Variants in GDPD4 observed in about 807,000 individuals in gnomAD.
The protein encoded by GDPD4 is glycerophosphodiester phosphodiesterase domain containing 4.
Under a neutral mutation model 67.8 loss-of-function variants are expected in GDPD4, and 60 were observed. That is an observed-to-expected ratio of 0.88 (90% confidence interval 0.72 to 1.10). GDPD4 has a LOEUF of 1.10. GDPD4 is among the 50% of genes least tolerant of loss of function. The pLI is 0.00. For synonymous variants in GDPD4, 212 were observed against 210.9 expected, an observed-to-expected ratio of 1.00 and a Z score of -0.04; for missense variants, 623 against 613.9, an observed-to-expected ratio of 1.01 and a Z score of -0.16.
At chr11:77,268,380 C>T (rs1014326245) in intron 10 of GDPD4, 77 bp downstream of exon 10, 3 of 979,060 alleles carry the variant, frequency 3.1e-6, no homozygotes, top group African/African-American at 3.2e-5. Flanking sequence ...TCTCTACAAC[C>T]TCAGGCCAGG....
At chr11:77,245,135 T>A in intron 12 of GDPD4, 146 bp downstream of exon 12, 1 of 644,150 alleles carries the variant, frequency 1.6e-6, no homozygotes, top group Non-Finnish European at 2.8e-6. Flanking sequence ...TGTAGCTGTA[T>A]AAGTAACAAT....
At chr11:77,235,128 G>C (rs10793244) in intron 13 of GDPD4, among the ~76,000 whole-genome samples, 87,505 of 149,622 alleles carry the variant, frequency 0.58, 25,991 homozygotes, top group Non-Finnish European at 0.64. Flanking sequence ...TGATGCTGAG[G>C]ATGTTTTCAT....
At position 77,271,241 on chromosome 11, in the gene GDPD4, G is replaced by T; in HGVS notation, c.307-18C>A. ...GCAAAGATCTGTGAGAAAGCCAAAA[G>T]TCAGGCTGGATACATCTAGACAGCT... On this transcript the variant is annotated intron_variant, in intron 6 of 16. Coordinates refer to ENST00000315938, the MANE Select transcript of GDPD4 (RefSeq NM_182833.3). The T allele has an allele frequency of 6.2e-7, 1 of 1,610,270 alleles. No individual in the cohort carries two copies. The highest frequency in any genetic ancestry group is 1.1e-5 in the South Asian group (1 of 90,780).
At chr11:77,283,835 G>A (rs1453960844) in intron 3 of GDPD4, among the ~76,000 whole-genome samples, 1 of 149,558 alleles carries the variant, frequency 6.7e-6, no homozygotes, top group Non-Finnish European at 1.5e-5. Flanking sequence ...AAGTACTTTG[G>A]CAACAGACAT....
At chr11:77,257,972 T>C (rs1404880827) in intron 11 of GDPD4, among the ~76,000 whole-genome samples, 1 of 152,218 alleles carries the variant, frequency 6.6e-6, no homozygotes, top group East Asian at 1.9e-4. Flanking sequence ...TGTGTGTTTA[T>C]TCACCATTAT....
chr11:77,275,426 G>T (rs957797763), intron 5 of GDPD4, among the ~76,000 whole-genome samples: 6 of 152,246 alleles, frequency 3.9e-5, no homozygotes, highest in African/African-American at 1.2e-4. Flanking sequence ...CCAAGACGGG[G>T]TAAAAAGGAC....
intron 11 of GDPD4, among the ~76,000 whole-genome samples, chr11:77,254,989 C>G (rs1443272302): frequency 3.3e-5 from 5 of 152,136 alleles, no homozygotes; most frequent in African/African-American, 9.7e-5. Context: ...TACCTTCTAA[C>G]CATACAGCAT....
At chr11:77,254,610 C>T (rs984554379) in intron 11 of GDPD4, among the ~76,000 whole-genome samples, 5 of 152,154 alleles carry the variant, frequency 3.3e-5, no homozygotes, top group African/African-American at 1.2e-4. Context: ...CTCATGCCAA[C>T]TATGTATCTG....
At chr11:77,294,105 T>A (rs1937871057) in intron 1 of GDPD4, among the ~76,000 whole-genome samples, 1 of 152,100 alleles carries the variant, frequency 6.6e-6, no homozygotes. Flanking sequence ...AAGGTAAAAA[T>A]TTTAAATCAC....
intron 13 of GDPD4, among the ~76,000 whole-genome samples, chr11:77,238,350 G>A (rs1378688156): frequency 1.3e-5 from 2 of 152,068 alleles, no homozygotes; most frequent in African/African-American, 2.4e-5. Context: ...TTGGGAGGCC[G>A]AGGTGGGTGG....
intron 10 of GDPD4, among the ~76,000 whole-genome samples, chr11:77,264,965 AAG>A (rs1281378323): frequency 6.6e-6 from 1 of 152,172 alleles, no homozygotes; most frequent in Admixed American, 6.6e-5. Flanking sequence ...CTGTACCAAT[AAG>A]AGAGCTGCTC....
intron 16 of GDPD4, among the ~76,000 whole-genome samples, chr11:77,227,050 C>T (rs1353248660): frequency 1.3e-5 from 2 of 152,074 alleles, no homozygotes; most frequent in East Asian, 3.9e-4. Context: ...CCAGGAGTTG[C>T]GGAAGGAAAT....
intron 3 of GDPD4, among the ~76,000 whole-genome samples, chr11:77,284,393 G>A (rs780097318): frequency 3.9e-5 from 6 of 152,134 alleles, no homozygotes; most frequent in Non-Finnish European, 8.8e-5. Flanking sequence ...AGACTAGGCA[G>A]ATACTATATT....
Position 77,229,847 on chromosome 11 carries a change from T to C in GDPD4, c.1390-615A>G, listed in dbSNP as rs552592167. ...TCTTCTATGCTCCTTGCCCAAATCATCTATTTCCCAGAGCTCTGTCTTCTG... is the reference window on the plus strand; with the variant it reads ...TCTTCTATGCTCCTTGCCCAAATCACCTATTTCCCAGAGCTCTGTCTTCTG... On this transcript the variant is annotated intron_variant, in intron 14 of 16. Transcript: ENST00000315938. Among the ~76,000 whole-genome samples, 37 of 152,276 alleles carry C rather than the reference T, an allele frequency of 2.4e-4. No homozygotes were observed. The South Asian group carries it at 7.7e-3, about 32-fold the overall frequency.
At chr11:77,271,719 A>C (rs1160594798) in intron 5 of GDPD4, among the ~76,000 whole-genome samples, 1 of 152,238 alleles carries the variant, frequency 6.6e-6, no homozygotes, top group Non-Finnish European at 1.5e-5. Flanking sequence ...CAGATTCAAC[A>C]GTTGCCATTA....
At position 77,299,507 on chromosome 11, in the gene GDPD4, T is replaced by C. The variant is rs1945914512; in HGVS notation, c.-254+2098A>G. Reference sequence around the variant, plus strand: ...CTGTTTATTGTCTGTCTTTACCTCCTAGAGCGTATGTTCCACATTTAACAG... The same window carrying C: ...CTGTTTATTGTCTGTCTTTACCTCCCAGAGCGTATGTTCCACATTTAACAG... On this transcript the variant is annotated intron_variant, in intron 1 of 16. Coordinates refer to ENST00000315938, the MANE Select transcript of GDPD4 (RefSeq NM_182833.3). Among the ~76,000 whole-genome samples, 4 of 152,338 alleles carry C rather than the reference T, an allele frequency of 2.6e-5. No individual in the cohort carries two copies. The South Asian group carries it at 8.3e-4, about 32-fold the overall frequency.
intron 10 of GDPD4, among the ~76,000 whole-genome samples, chr11:77,264,606 T>C (rs1418093605): frequency 6.6e-6 from 1 of 152,148 alleles, no homozygotes; most frequent in African/African-American, 2.4e-5. Flanking sequence ...AATGAAAATT[T>C]ACTATGATGT....
chr11:77,248,360 G>A (rs940412045), intron 11 of GDPD4, among the ~76,000 whole-genome samples: 5 of 151,508 alleles, frequency 3.3e-5, no homozygotes, highest in Admixed American at 6.6e-5. Context: ...GCACGATGAC[G>A]CCCAGCTCAT....
chr11:77,217,393 C>A lies in GDPD4; in HGVS notation c.1526-79G>T, dbSNP rs73497674. 9.7e-3 allele frequency: 11,240 copies of A among 1,163,802 alleles called. 787 individuals are homozygous for A. In the African/African-American group the frequency reaches 0.15, roughly 15 times the overall value. The allele number at this position is 1,163,802 out of a possible 1,614,324, so 72.1% of individuals were successfully genotyped here. On this transcript the variant is annotated intron_variant, in intron 16 of 16. Coordinates refer to ENST00000315938, the MANE Select transcript of GDPD4 (RefSeq NM_182833.3). The stretch of plus-strand genomic sequence containing the variant: ...CAGTCATGTGTGAAATTCAAGTTAT[C>A]TCTTAAATGTTAGCCACTCCCTTAC...
Sources: allele counts gnomAD v4.1 joint callset (sites outside exome capture counted in the v4.1 genomes callset), GRCh38; gene constraint gnomAD v4.1.1; transcripts MANE v1.5; gene names NCBI Gene and HGNC (gene_info 2026-07-23, HGNC 2026-07-21).